The following MAP3K13 variants were observed in gnomAD, a reference collection of about 807,000 sequenced individuals.
MAP3K13 encodes mitogen-activated protein kinase kinase kinase 13, also known as leucine zipper-bearing kinase.
MAP3K13 carries 52 observed loss-of-function variants against 104.0 expected under a neutral mutation model. The ratio of observed to expected loss-of-function variants is 0.50; its 90% CI spans 0.40 to 0.63. MAP3K13 has a LOEUF of 0.63. MAP3K13 is among the 20% of genes least tolerant of loss of function. MAP3K13 has a pLI of 0.00. For synonymous variants in MAP3K13, 394 were observed against 442.2 expected (o/e 0.89, Z 1.37); for missense variants, 914 against 1,218.5 (o/e 0.75, Z 3.72).
chr3:185,418,033 A>C lies in MAP3K13; in HGVS notation c.-85-10464A>C, dbSNP rs1713890067. The C allele has an allele frequency of 6.2e-7, 1 of 1,611,836 alleles. No homozygotes were observed. The highest frequency in any genetic ancestry group is 1.3e-5 in the African/African-American group (1 of 74,870). ...GAAAGCACTTTCAGTCCAAATGCAG[A>C]AACGTCCCACATGCCCACCAGGAGC... On this transcript the variant is annotated intron_variant, in intron 1 of 13. Transcript: ENST00000265026. This position sits in a 1 kb window ranked among gnomAD's most constrained non-coding sequence, Gnocchi z 4.5.
At chr3:185,347,399 T>C (rs1722969600) in intron 2 of MAP3K13, among the ~76,000 whole-genome samples, 1 of 152,234 alleles carries the variant, frequency 6.6e-6, no homozygotes, top group Admixed American at 6.5e-5. Flanking sequence ...AATCTATTTC[T>C]TTATACATCT....
chr3:185,312,575 G>A (rs1721532132), intron 2 of MAP3K13, among the ~76,000 whole-genome samples: 1 of 152,124 alleles, frequency 6.6e-6, no homozygotes, highest in African/African-American at 2.4e-5. Context: ...CCCTAGGAAG[G>A]GGATTAAATG....
intron 2 of MAP3K13, among the ~76,000 whole-genome samples, chr3:185,431,521 T>C (rs1714742019): frequency 6.6e-6 from 1 of 152,232 alleles, no homozygotes. Context: ...TTTAAGACTT[T>C]TGATACATAT....
At position 185,473,328 on chromosome 3, in the gene MAP3K13, G is replaced by T. The variant is rs751418953; in HGVS notation, c.1997G>T (p.Cys666Phe). ...LNMHGQDIAT[C>F]ANNLRYFGPA... is the part of the protein sequence containing the mutation. ...ATGCACGGACAGGACATAGCAACCTGCGCCAACAACCTGAGGTATTTCGGC... is the reference window on the plus strand; with the variant it reads ...ATGCACGGACAGGACATAGCAACCTTCGCCAACAACCTGAGGTATTTCGGC... The change falls in exon 11 of 14, where the codon TGC becomes TTC. Residue 666 changes from cysteine (C) to phenylalanine (F), a missense_variant. This residue lies in a region of MAP3K13 where 583 missense variants were observed against 737.4 expected (regional missense o/e 0.79). Transcript: ENST00000265026. This position sits in a 1 kb window ranked among gnomAD's most constrained non-coding sequence, Gnocchi z 4.9. The T allele has an allele frequency of 1.9e-6, 3 of 1,614,216 alleles. No individual in the cohort carries two copies. The highest frequency in any genetic ancestry group is 2.5e-6 in the Non-Finnish European group (3 of 1,180,036).
intron 2 of MAP3K13, among the ~76,000 whole-genome samples, chr3:185,357,416 C>T (rs1226939158): frequency 7.1e-6 from 1 of 140,098 alleles, no homozygotes; most frequent in African/African-American, 2.7e-5. Flanking sequence ...CCATTGCACT[C>T]CAGCCTGGGC....
At position 185,465,744 on chromosome 3, in the gene MAP3K13, C is replaced by T. The variant is rs1577607166; in HGVS notation, c.1389-3C>T. On this transcript the variant is annotated splice_polypyrimidine_tract_variant and splice_region_variant and intron_variant, in intron 8 of 13. Coordinates refer to ENST00000265026, the MANE Select transcript of MAP3K13 (RefSeq NM_004721.5). ...TGGGCTGACCCTGTGTTTTCTCTGA[C>T]AGGCATGCGCTGGATATTCGTGAAC... 1 of 1,608,854 alleles carries T rather than the reference C, an allele frequency of 6.2e-7. No individual in the cohort carries two copies. The highest frequency in any genetic ancestry group is 1.1e-5 in the South Asian group (1 of 90,952).
intron 2 of MAP3K13, among the ~76,000 whole-genome samples, chr3:185,334,998 G>A (rs1365123779): frequency 6.6e-6 from 1 of 150,518 alleles, no homozygotes; most frequent in Non-Finnish European, 1.5e-5. Context: ...CTGATAAATA[G>A]ACATGGATCA....
At chr3:185,359,515 T>A (rs189355606), upstream of MAP3K13, among the ~76,000 whole-genome samples, 1 of 152,106 alleles carries the variant, frequency 6.6e-6, no homozygotes, top group Non-Finnish European at 1.5e-5. Context: ...GTTGAGAGAG[T>A]AGCAGGGTCT....
intron 12 of MAP3K13, among the ~76,000 whole-genome samples, chr3:185,478,090 C>A (rs1416561020): frequency 6.6e-6 from 1 of 152,136 alleles, no homozygotes. Context: ...CCATAGCATT[C>A]CCCATGCCTT....
At chr3:185,379,476 A>C (rs539047543) in intron 1 of MAP3K13, among the ~76,000 whole-genome samples, 3 of 152,272 alleles carry the variant, frequency 2.0e-5, no homozygotes, top group African/African-American at 7.2e-5. Context: ...AAAATCAGTG[A>C]GATGTTCCTT....
intron 1 of MAP3K13, among the ~76,000 whole-genome samples, chr3:185,390,858 T>C (rs952094113): frequency 3.3e-5 from 5 of 152,018 alleles, no homozygotes; most frequent in Admixed American, 1.3e-4. Context: ...TTTGACCTCA[T>C]GATCGGCCTG....
chr3:185,439,442 C>T (rs994366739), intron 3 of MAP3K13, among the ~76,000 whole-genome samples: 2 of 152,016 alleles, frequency 1.3e-5, no homozygotes, highest in African/African-American at 4.8e-5. Context: ...CAGAGACCCT[C>T]TTCTTTCTTT....
At chr3:185,465,492 A>G (rs1037123471) in intron 8 of MAP3K13, among the ~76,000 whole-genome samples, 8 of 152,210 alleles carry the variant, frequency 5.3e-5, no homozygotes, top group Admixed American at 5.2e-4. Context: ...CAAATTATAG[A>G]CAGATTTTTA....
chr3:185,407,416 C>T (rs1713174845), intron 1 of MAP3K13, among the ~76,000 whole-genome samples: 1 of 152,136 alleles, frequency 6.6e-6, no homozygotes, highest in Non-Finnish European at 1.5e-5. Context: ...ATTCTAAATA[C>T]AAAATTAACT....
intron 11 of MAP3K13, among the ~76,000 whole-genome samples, chr3:185,474,133 G>A (rs761451198): frequency 6.6e-6 from 1 of 152,088 alleles, no homozygotes; most frequent in Admixed American, 6.5e-5. Flanking sequence ...GACCATCCTG[G>A]CCAACATGGT....
At chr3:185,456,556 C>T (rs1313158849) in intron 7 of MAP3K13, among the ~76,000 whole-genome samples, 1 of 149,786 alleles carries the variant, frequency 6.7e-6, no homozygotes, top group Non-Finnish European at 1.5e-5. Context: ...GGAAATCTTT[C>T]GAACTTTAAG....
At chr3:185,345,601 T>C (rs1422063910) in intron 2 of MAP3K13, among the ~76,000 whole-genome samples, 3 of 152,138 alleles carry the variant, frequency 2.0e-5, no homozygotes, top group Non-Finnish European at 4.4e-5. Context: ...GAACTGCACA[T>C]GTGACAGATC....
At chr3:185,445,510 G>A (rs1715544898) in intron 4 of MAP3K13, among the ~76,000 whole-genome samples, 1 of 152,132 alleles carries the variant, frequency 6.6e-6, no homozygotes, top group African/African-American at 2.4e-5. Flanking sequence ...ACTACCTGAA[G>A]GCCTCTCTGA....
At chr3:185,322,976 A>G (rs951840931) in intron 2 of MAP3K13, among the ~76,000 whole-genome samples, 3 of 152,168 alleles carry the variant, frequency 2.0e-5, no homozygotes, top group Admixed American at 6.5e-5. Context: ...TTTGGTTCTA[A>G]CTTCTCCTTT....
Sources: gnomAD v4.1 joint callset for allele counts (sites outside exome capture counted in the v4.1 genomes callset) on GRCh38, gnomAD v4.1.1 for gene constraint, gnomAD v4.1.1 regional missense constraint, Gnocchi (gnomAD v3.1) non-coding constraint, MANE v1.5 for transcripts, NCBI Gene and HGNC (gene_info 2026-07-23, HGNC 2026-07-21) for gene names.